RNF130: variants seen among roughly 807,000 people sequenced by gnomAD.
The protein encoded by RNF130 is E3 ubiquitin-protein ligase RNF130.
A neutral mutation model predicts 44.6 loss-of-function variants in RNF130; 21 were observed. That is an observed-to-expected ratio of 0.47 (90% confidence interval 0.33 to 0.68). RNF130 has a LOEUF of 0.68. RNF130 is among the 30% of genes least tolerant of loss of function. The probability of loss-of-function intolerance (pLI) is 0.02; values close to 1 mark genes in which losing one functional copy is unlikely to be tolerated. For synonymous variants in RNF130, 214 were observed against 210.4 expected (o/e 1.02, Z -0.15); for missense variants, 479 against 560.6 (o/e 0.85, Z 1.47).
At chr5:180,055,267 A>C (rs1282552025) in intron 1 of RNF130, among the ~76,000 whole-genome samples, 13 of 28,420 alleles carry the variant, frequency 4.6e-4, no homozygotes, top group African/African-American at 7.0e-4. Flanking sequence ...AAAAAAAAAA[A>C]AAAAAAAAAA....
intron 7 of RNF130, among the ~76,000 whole-genome samples, chr5:179,926,505 C>T (rs779199086): frequency 1.3e-4 from 20 of 151,278 alleles, no homozygotes; most frequent in African/African-American, 3.7e-4. Context: ...AAAAATTAGC[C>T]GGGTGTGGTG....
intron 3 of RNF130, among the ~76,000 whole-genome samples, chr5:180,004,909 T>C (rs924213349): frequency 2.0e-5 from 3 of 152,216 alleles, no homozygotes; most frequent in Non-Finnish European, 4.4e-5. Context: ...CCCTCCTTCA[T>C]TCATTCACCA....
intron 2 of RNF130, among the ~76,000 whole-genome samples, chr5:180,018,794 G>T (rs1763801649): frequency 6.6e-6 from 1 of 152,168 alleles, no homozygotes; most frequent in Non-Finnish European, 1.5e-5. Context: ...TTATGCTTTA[G>T]TTTAGAAAGT....
At position 180,000,588 on chromosome 5, in the gene RNF130, TTTC is replaced by T. The variant is rs1319458550; in HGVS notation, c.693+12470_693+12472del. Among the ~76,000 whole-genome samples, 26 of 151,150 alleles carry T rather than the reference TTTC, an allele frequency of 1.7e-4. 1 individual carries two copies. Among genetic ancestry groups the T allele is most frequent in the African/African-American group, 6.1e-4 (25 of 41,224 alleles). ...CGTTCTTCATTATTTTTCATTCTTA[TTTC>T]TTTTTTTTTGTCTCTGACTTGTTAA... On this transcript the variant is annotated intron_variant, in intron 3 of 8. Coordinates refer to ENST00000521389, the MANE Select transcript of RNF130 (RefSeq NM_018434.6).
chr5:180,013,664 C>T (rs75076075), intron 2 of RNF130, among the ~76,000 whole-genome samples: 1 of 152,184 alleles, frequency 6.6e-6, no homozygotes, highest in East Asian at 1.9e-4. Context: ...AGTGTATCAA[C>T]ATCATGGTAG....
intron 5 of RNF130, among the ~76,000 whole-genome samples, chr5:179,973,692 A>G (rs1176866033): frequency 1.3e-5 from 2 of 152,180 alleles, no homozygotes; most frequent in Admixed American, 1.3e-4. Flanking sequence ...ATGGACACCC[A>G]GGAGGCCTCA....
At position 180,066,426 on chromosome 5, in the gene RNF130, C is replaced by G. The variant is rs560353558; in HGVS notation, c.247+5030G>C. ...GTCTCAGGTATGTCTTTATCAGCAG[C>G]ATGAAAACAGACTAATATACCTTCC... On this transcript the variant is annotated intron_variant, in intron 1 of 8. Transcript: ENST00000521389. Among the ~76,000 whole-genome samples, 28 of 152,256 alleles carry G rather than the reference C, an allele frequency of 1.8e-4. 1 individual carries two copies. In the South Asian group the frequency reaches 5.6e-3, roughly 30 times the overall value.
At chr5:180,043,764 T>A (rs992010511) in intron 1 of RNF130, among the ~76,000 whole-genome samples, 1 of 151,978 alleles carries the variant, frequency 6.6e-6, no homozygotes, top group Non-Finnish European at 1.5e-5. Flanking sequence ...ACGGCCTGTA[T>A]AAGCAAAAGA....
intron 2 of RNF130, among the ~76,000 whole-genome samples, chr5:180,014,591 A>C (rs1763671168): frequency 6.6e-6 from 1 of 152,232 alleles, no homozygotes; most frequent in African/African-American, 2.4e-5. Context: ...AATGAATAAC[A>C]CATTGAAATA....
In RNF130 at chr5:179,956,526, AT is replaced by A. The variant is rs1218763907; in HGVS notation, c.1245-858del. The A allele has an allele frequency of 2.6e-5, 4 of 152,642 alleles. No individual in the cohort carries two copies. The East Asian group carries it at 7.7e-4, about 29-fold the overall frequency. The allele number at this position is 152,642 out of a possible 1,614,324, so 9.5% of individuals were successfully genotyped here. A position where few individuals can be genotyped will look rare whatever the true frequency, so the allele number is the denominator to read the frequency against. ...TCTCTGCTGAAAGGCCTTAGAGCCCATTACCAGCTCTTTATAAGAATCAAGT... is the reference window on the plus strand; with the variant it reads ...TCTCTGCTGAAAGGCCTTAGAGCCCATACCAGCTCTTTATAAGAATCAAGT... On this transcript the variant is annotated intron_variant, in intron 8 of 8. Coordinates refer to ENST00000521389, the MANE Select transcript of RNF130 (RefSeq NM_018434.6).
chr5:179,984,190 C>G (rs867803296), intron 3 of RNF130, among the ~76,000 whole-genome samples: 1 of 152,116 alleles, frequency 6.6e-6, no homozygotes, highest in Non-Finnish European at 1.5e-5. Flanking sequence ...ATCTTCTACA[C>G]GAAATTTCTA....
chr5:179,939,658 C>T (rs1236847927), intron 7 of RNF130: 1 of 465,702 alleles, frequency 2.1e-6, no homozygotes, highest in African/African-American at 2.1e-5. Context: ...AAGTGAGGCC[C>T]TGTGACCTAG....
chr5:180,035,778 G>A (rs1056020689), intron 2 of RNF130, among the ~76,000 whole-genome samples: 17 of 152,140 alleles, frequency 1.1e-4, no homozygotes, highest in Non-Finnish European at 8.8e-5. Flanking sequence ...TGAATCTGCT[G>A]TTGAAGGCCT....
chr5:179,960,691 A>C (rs1206299420), intron 8 of RNF130, among the ~76,000 whole-genome samples: 1 of 152,224 alleles, frequency 6.6e-6, no homozygotes, highest in East Asian at 1.9e-4. Context: ...ACTGCCAGAA[A>C]GGTAAACTAT....
At chr5:180,067,534 A>T (rs1187274238) in intron 1 of RNF130, among the ~76,000 whole-genome samples, 5 of 152,188 alleles carry the variant, frequency 3.3e-5, no homozygotes, top group African/African-American at 1.2e-4. Context: ...TGGTTTTTAA[A>T]AAAATTCAAA....
At chr5:179,967,071 T>C in intron 6 of RNF130, 61 bp from the exon 7 acceptor site, 1 of 1,470,236 alleles carries the variant, frequency 6.8e-7, no homozygotes, top group Non-Finnish European at 9.4e-7. Context: ...CATAAGATTC[T>C]AAAAAAGATT....
intron 1 of RNF130, among the ~76,000 whole-genome samples, chr5:180,063,166 C>T (rs1397059867): frequency 6.6e-6 from 1 of 151,964 alleles, no homozygotes; most frequent in Non-Finnish European, 1.5e-5. Context: ...ACTGGGTGAA[C>T]CTTTAAGATT....
chr5:180,024,308 T>C (rs531602133), intron 2 of RNF130, among the ~76,000 whole-genome samples: 1 of 152,376 alleles, frequency 6.6e-6, no homozygotes, highest in South Asian at 2.1e-4. Context: ...TTAATAATTA[T>C]GTACCAACAT....
intron 3 of RNF130, among the ~76,000 whole-genome samples, chr5:180,011,610 T>C (rs1325921733): frequency 6.6e-6 from 1 of 151,860 alleles, no homozygotes; most frequent in Non-Finnish European, 1.5e-5. Context: ...TGCAAAAAAA[T>C]TAAAAAATTA....
Sources: allele counts gnomAD v4.1 joint callset (sites outside exome capture counted in the v4.1 genomes callset), GRCh38; gene constraint gnomAD v4.1.1; transcripts MANE v1.5; gene names NCBI Gene and HGNC (gene_info 2026-07-23, HGNC 2026-07-21).